Variants in ENPP3 observed in about 807,000 individuals in gnomAD.
The protein encoded by ENPP3 is ectonucleotide pyrophosphatase/phosphodiesterase family member 3.
A neutral mutation model predicts 117.8 loss-of-function variants in ENPP3; 104 were observed. The ratio of observed to expected loss-of-function variants is 0.88; its 90% CI spans 0.75 to 1.04. The LOEUF is 1.04. Ranked by LOEUF, ENPP3 falls within the 50% of genes least tolerant of loss-of-function variation. The probability of loss-of-function intolerance (pLI) is 0.00; values close to 1 mark genes in which losing one functional copy is unlikely to be tolerated. For synonymous variants in ENPP3, 380 were observed against 349.9 expected, an observed-to-expected ratio of 1.09 and a Z score of -0.96; for missense variants, 1,026 against 1,051.9, an observed-to-expected ratio of 0.98 and a Z score of 0.34.
chr6:131,722,392 C>T lies in ENPP3; in HGVS notation c.1733C>T (p.Pro578Leu), dbSNP rs763208595. ...ACAGAGTCTCTTGACTGTTTCTGCC[C>T]TCACCTACAAAATGTAAGTAACAAC... ...LPTESLDCFC[P>L]HLQNSTQLEQ... The change falls in exon 18 of 25, where the codon CCT (proline) becomes CTT (leucine). Residue 578 changes from proline (P) to leucine (L), a missense_variant. Coordinates refer to ENST00000357639, the MANE Select transcript of ENPP3 (RefSeq NM_005021.5). 2 of 1,613,104 alleles carry T rather than the reference C, an allele frequency of 1.2e-6. No homozygotes were observed. Among genetic ancestry groups the T allele is most frequent in the East Asian group, 2.2e-5 (1 of 44,872 alleles).
intron 5 of ENPP3, among the ~76,000 whole-genome samples, chr6:131,656,092 T>C (rs1778378836): frequency 6.6e-6 from 1 of 152,178 alleles, no homozygotes; most frequent in Admixed American, 6.5e-5. Flanking sequence ...CTAGTGATCA[T>C]AGTATAGTAA....
chr6:131,664,960 A>T (rs1234999810), intron 6 of ENPP3, among the ~76,000 whole-genome samples: 1 of 152,130 alleles, frequency 6.6e-6, no homozygotes, highest in Admixed American at 6.6e-5. Flanking sequence ...TTTATCATGA[A>T]AGGGTGTTGA....
At chr6:131,673,828 G>A (rs760307584) in intron 7 of ENPP3, among the ~76,000 whole-genome samples, 7 of 152,046 alleles carry the variant, frequency 4.6e-5, no homozygotes, top group Non-Finnish European at 8.8e-5. Flanking sequence ...GATTGACATA[G>A]CATGTATATT....
rs766234909 is a variant in ENPP3 at position 131,738,127 on chromosome 6, A to G, written c.2264A>G (p.Tyr755Cys). Residue 755 changes from tyrosine to cysteine, a missense_variant, in exon 23 of 25, where the codon TAT (tyrosine) becomes TGT (cysteine). Physicochemically the swap from Tyr to Cys is radical, Grantham distance 194. Coordinates refer to ENST00000357639, the MANE Select transcript of ENPP3 (RefSeq NM_005021.5). The part of the protein sequence containing the change: ...VVSGPIFDYN[Y>C]DGHFDAPDEI... ...AGTGGACCAATATTTGATTATAATT[A>G]TGATGGCCATTTTGATGCTCCAGAT... 1.9e-6 allele frequency: 3 copies of G among 1,610,822 alleles called. No homozygotes were observed. The African/African-American group carries it at 4.0e-5, about 21-fold the overall frequency.
At chr6:131,657,398 A>G (rs1175353343) in intron 5 of ENPP3, among the ~76,000 whole-genome samples, 1 of 152,158 alleles carries the variant, frequency 6.6e-6, no homozygotes, top group Non-Finnish European at 1.5e-5. Flanking sequence ...CTGTTTTAGA[A>G]TTTTATGTAA....
chr6:131,730,617 T>C (rs1165428495), intron 20 of ENPP3, among the ~76,000 whole-genome samples: 1 of 152,182 alleles, frequency 6.6e-6, no homozygotes, highest in East Asian at 1.9e-4. Context: ...TAATTTTTCT[T>C]CAAAATTAGT....
chr6:131,696,826 G>A (rs1333939973), intron 15 of ENPP3, among the ~76,000 whole-genome samples: 1 of 146,806 alleles, frequency 6.8e-6, no homozygotes, highest in Non-Finnish European at 1.5e-5. Flanking sequence ...CTGGAGTGCA[G>A]TGGCGCGATC....
chr6:131,650,214 T>A, intron 3 of ENPP3, 65 bp downstream of exon 3: 2 of 1,586,214 alleles, frequency 1.3e-6, no homozygotes, highest in Non-Finnish European at 1.7e-6. Flanking sequence ...ATGTCAAATT[T>A]TTTTCTTTTC....
At chr6:131,673,443 T>C (rs1778791828) in intron 7 of ENPP3, among the ~76,000 whole-genome samples, 1 of 152,146 alleles carries the variant, frequency 6.6e-6, no homozygotes, top group Admixed American at 6.6e-5. Context: ...ATACCACACA[T>C]TCTCACTTAT....
intron 8 of ENPP3, 97 bp downstream of exon 8, chr6:131,674,378 C>A: frequency 1.6e-6 from 2 of 1,212,416 alleles, no homozygotes; most frequent in East Asian, 4.7e-5. Context: ...TTCTATGTCA[C>A]CCATCTAGTT....
At position 131,675,084 on chromosome 6, in the gene ENPP3, G is replaced by A. The variant is rs1319115233; in HGVS notation, c.767G>A (p.Trp256Ter). ...TTATCCTAAATTTTCTTACAGATGT[G>A]GCTGACAGCAATGTATCAAGGTTTA... Reference protein sequence around the residue: ...NPAWWHGQPMWLTAMYQGLKA... With the variant: ...NPAWWHGQPM Residue 256 changes from tryptophan (W) to a stop codon, truncating the protein, a stop_gained, in exon 9 of 25, where the codon TGG (tryptophan) becomes TAG (stop). Transcript: ENST00000357639. LOFTEE classifies it high-confidence loss of function. 6.2e-7 allele frequency: 1 copy of A among 1,609,038 alleles called. No individual in the cohort carries two copies. Among genetic ancestry groups the A allele is most frequent in the East Asian group, 2.2e-5 (1 of 44,846 alleles).
At chr6:131,637,989 T>G (rs944020479) in intron 1 of ENPP3, among the ~76,000 whole-genome samples, 21 of 151,866 alleles carry the variant, frequency 1.4e-4, no homozygotes, top group Non-Finnish European at 1.0e-4. Flanking sequence ...ATTTTAAATT[T>G]TTTTCTTTTT....
At chr6:131,731,388 G>A (rs7341202) in intron 20 of ENPP3, among the ~76,000 whole-genome samples, 1 of 152,120 alleles carries the variant, frequency 6.6e-6, no homozygotes, top group African/African-American at 2.4e-5. Context: ...TTTCTTTTCA[G>A]GCTGGTTGTT....
At chr6:131,695,917 A>T (rs564759353) in intron 15 of ENPP3, among the ~76,000 whole-genome samples, 3 of 148,024 alleles carry the variant, frequency 2.0e-5, no homozygotes, top group African/African-American at 7.3e-5. Flanking sequence ...CTCTGTCTCA[A>T]AAAAAAAAGA....
intron 6 of ENPP3, among the ~76,000 whole-genome samples, chr6:131,663,462 G>A (rs950219897): frequency 6.0e-5 from 9 of 148,988 alleles, no homozygotes; most frequent in South Asian, 2.1e-4. Context: ...CAAGGAAGGA[G>A]GATTGCTTGA....
At chr6:131,691,705 G>A (rs1779283929) in intron 14 of ENPP3, among the ~76,000 whole-genome samples, 1 of 152,052 alleles carries the variant, frequency 6.6e-6, no homozygotes, top group South Asian at 2.1e-4. Flanking sequence ...GGTAGGTAGT[G>A]AGCCTCCGGT....
rs572855698 is a variant in ENPP3 at position 131,685,301 on chromosome 6, C to T, written c.1121-63C>T. On this transcript the variant is annotated intron_variant, in intron 12 of 24. Coordinates refer to ENST00000357639, the MANE Select transcript of ENPP3 (RefSeq NM_005021.5). ...ATAAAATGTCTTCTATTTGACAAGA[C>T]AGAAATCAACCGTTGCCATTTATAT... 15 of 1,388,614 alleles carry T rather than the reference C, an allele frequency of 1.1e-5. No individual in the cohort carries two copies. The African/African-American group carries it at 1.6e-4, about 15-fold the overall frequency. 86.0% of individuals were successfully genotyped at this position (1,388,614 alleles called of 1,614,324 possible).
chr6:131,638,581 GT>G (rs753175848), intron 1 of ENPP3: 30 of 383,998 alleles, frequency 7.8e-5, no homozygotes, highest in East Asian at 4.0e-4. Context: ...GTTTTTGTGA[GT>G]TTTTTTCTTT....
chr6:131,638,783 A>G (rs1777979340), intron 1 of ENPP3, among the ~76,000 whole-genome samples: 2 of 151,340 alleles, frequency 1.3e-5, no homozygotes, highest in Admixed American at 1.3e-4. Context: ...CTTTTTGCCC[A>G]GCCTCTGTCA....
Sources: gnomAD v4.1 joint callset for allele counts (sites outside exome capture counted in the v4.1 genomes callset) on GRCh38, gnomAD v4.1.1 for gene constraint, MANE v1.5 for transcripts, NCBI Gene and HGNC (gene_info 2026-07-23, HGNC 2026-07-21) for gene names.